The following ZSCAN5A variants were observed in gnomAD, a reference collection of about 807,000 sequenced individuals.
ZSCAN5A encodes zinc finger and SCAN domain containing 5A, also known as zinc finger and SCAN domain-containing protein 5A.
In ZSCAN5A, 12 loss-of-function variants were observed where a neutral mutation model predicts 23.7. The observed-to-expected ratio is 0.51, with a 90% CI of 0.32 to 0.82. The LOEUF is 0.82. ZSCAN5A is among the 40% of genes least tolerant of loss of function. The probability of loss-of-function intolerance (pLI) is 0.03; values close to 1 mark genes in which losing one functional copy is unlikely to be tolerated. For missense variants in ZSCAN5A, 597 were observed against 617.9 expected (o/e 0.97, Z 0.36); for synonymous variants, 257 against 239.9 (o/e 1.07, Z -0.66).
At chr19:56,241,966 T>C (rs1379103839) in intron 2 of ZSCAN5A, among the ~76,000 whole-genome samples, 2 of 152,164 alleles carry the variant, frequency 1.3e-5, no homozygotes, top group Non-Finnish European at 2.9e-5. Context: ...ACCCGATAGG[T>C]AGTTTTTCAA....
chr19:56,301,241 G>A (rs1010751170), intron 2 of ZSCAN5A, among the ~76,000 whole-genome samples: 1 of 152,176 alleles, frequency 6.6e-6, no homozygotes, highest in Non-Finnish European at 1.5e-5. Context: ...TCTCCTTATA[G>A]TTATTTCCTG....
intron 2 of ZSCAN5A, chr19:56,284,020 C>T (rs957600407): frequency 5.6e-6 from 1 of 178,986 alleles, no homozygotes; most frequent in Non-Finnish European, 1.1e-5. Flanking sequence ...CCTGACTGCT[C>T]ACCATGCATG....
intron 2 of ZSCAN5A, chr19:56,282,367 T>C (rs767138081): frequency 8.5e-5 from 34 of 400,596 alleles, no homozygotes; most frequent in African/African-American, 1.1e-4. Context: ...TCAGGACCTA[T>C]GGGGTGCAAT....
At position 56,221,665 on chromosome 19, in the gene ZSCAN5A, G is replaced by C. The variant is rs746592895; in HGVS notation, c.1401C>G (p.Pro467=). Residue 467 remains proline, a synonymous_variant, in exon 6 of 6, where the codon CCC becomes CCG. Transcript: ENST00000683990. ...CTCTTGGACACTTGGAACATTTGTA[G>C]GGTTTCTCTCCGGAGTGGATGCGCT... The part of the protein sequence containing the change: ...EHQRIHSGEK[P]YKCSKCPRAF... 2.1e-5 allele frequency: 34 copies of C among 1,614,090 alleles called. No individual in the cohort carries two copies. In the South Asian group the frequency reaches 3.0e-4, roughly 14 times the overall value.
intron 2 of ZSCAN5A, among the ~76,000 whole-genome samples, chr19:56,238,026 A>ACCT (rs2035106754): frequency 1.5e-3 from 2 of 1,362 alleles, no homozygotes; most frequent in African/African-American, 2.3e-3. Flanking sequence ...TCAAAGAAAC[A>ACCT]AAAAGCAAGC....
At position 56,223,688 on chromosome 19, in the gene ZSCAN5A, G is replaced by T; in HGVS notation, c.531C>A (p.Gly177=). ...GGATCTGCAGCTCTCGGTGGGCCTG[G>T]CCTTCCCCTGGACGCATCTGGTTCA... ...SSVNQMRPGE[G]QAHRELQILP... Residue 177 remains glycine (G), a synonymous_variant, in exon 4 of 6, where the codon GGC becomes GGA. Transcript: ENST00000683990. 1 of 1,613,006 alleles carries T rather than the reference G, an allele frequency of 6.2e-7. No homozygotes were observed.
chr19:56,280,613 T>C (rs370208027), intron 2 of ZSCAN5A: 3 of 152,188 alleles, frequency 2.0e-5, no homozygotes, highest in Non-Finnish European at 4.4e-5. Context: ...TTATAATGAA[T>C]AGAAATTTAT....
chr19:56,342,905 G>T, intron 2 of ZSCAN5A: 1 of 1,033,300 alleles, frequency 9.7e-7, no homozygotes, highest in Non-Finnish European at 1.5e-6. Flanking sequence ...CCCATCCTGA[G>T]GCACCTCAGA....
At chr19:56,234,064 T>C (rs2034682465) in intron 2 of ZSCAN5A, among the ~76,000 whole-genome samples, 1 of 152,092 alleles carries the variant, frequency 6.6e-6, no homozygotes, top group African/African-American at 2.4e-5. Flanking sequence ...AGATTGTGTG[T>C]CCGGAGGCTG....
In ZSCAN5A at chr19:56,286,183, G is replaced by A. The variant is rs146344513; in HGVS notation, c.-128+27100C>T. On this transcript the variant is annotated intron_variant, in intron 2 of 5. Coordinates refer to ENST00000683990, the MANE Select transcript of ZSCAN5A (RefSeq NM_001322064.3). ...ACTACAGGCGCCCACCACCATGCTC[G>A]GCTAATTTTTGTATTATTAGTAGAG... Among the ~76,000 whole-genome samples the A allele has an allele frequency of 5.3e-5, 8 of 151,692 alleles. No individual in the cohort carries two copies. In the East Asian group the frequency reaches 5.9e-4, roughly 11 times the overall value.
chr19:56,240,292 T>C (rs1196490946), intron 2 of ZSCAN5A, among the ~76,000 whole-genome samples: 2 of 152,148 alleles, frequency 1.3e-5, no homozygotes, highest in Non-Finnish European at 2.9e-5. Context: ...AAAACCTATG[T>C]TATTTGCACA....
intron 2 of ZSCAN5A, among the ~76,000 whole-genome samples, chr19:56,341,636 A>T (rs879921804): frequency 1.5e-5 from 2 of 137,242 alleles, no homozygotes; most frequent in African/African-American, 5.6e-5. Flanking sequence ...TTCATTAAAA[A>T]TTTTTTTAAC....
At chr19:56,324,731 GA>G (rs1005281263) in intron 2 of ZSCAN5A, among the ~76,000 whole-genome samples, 6 of 152,012 alleles carry the variant, frequency 3.9e-5, no homozygotes, top group African/African-American at 1.5e-4. Context: ...GCCTGTGGAG[GA>G]AAAGTTAAAT....
intron 2 of ZSCAN5A, among the ~76,000 whole-genome samples, chr19:56,336,316 C>G (rs1053245674): frequency 6.6e-6 from 1 of 152,090 alleles, no homozygotes; most frequent in Non-Finnish European, 1.5e-5. Flanking sequence ...CTTCTCTTCT[C>G]GCTTCATTTC....
At chr19:56,311,082 A>C (rs933957114) in intron 2 of ZSCAN5A, among the ~76,000 whole-genome samples, 1 of 152,196 alleles carries the variant, frequency 6.6e-6, no homozygotes, top group Non-Finnish European at 1.5e-5. Flanking sequence ...TTTTGATATA[A>C]GACCAGGGGG....
At chr19:56,243,627 A>G (rs1370858179) in intron 2 of ZSCAN5A, among the ~76,000 whole-genome samples, 5 of 152,200 alleles carry the variant, frequency 3.3e-5, no homozygotes, top group East Asian at 1.9e-4. Flanking sequence ...GGAGCTTCAC[A>G]TAAGTATCCT....
chr19:56,334,529 T>C (rs957730909), intron 2 of ZSCAN5A, among the ~76,000 whole-genome samples: 2 of 152,236 alleles, frequency 1.3e-5, no homozygotes, highest in Non-Finnish European at 2.9e-5. Context: ...TATTTTGATA[T>C]AAGCATGCAA....
intron 2 of ZSCAN5A, among the ~76,000 whole-genome samples, chr19:56,306,405 CAGATGGGAG>C: frequency 2.7e-5 from 1 of 37,642 alleles, no homozygotes; most frequent in Admixed American, 2.5e-4. Context: ...GTACTAAGGA[CAGATGGGAG>C]ACTTCTCTTC....
At chr19:56,298,933 C>A (rs2147232931) in intron 2 of ZSCAN5A, among the ~76,000 whole-genome samples, 1 of 152,230 alleles carries the variant, frequency 6.6e-6, no homozygotes, top group East Asian at 1.9e-4. Context: ...GATGGAAAAT[C>A]CTAGACTAAA....
Sources: gnomAD v4.1 joint callset for allele counts (sites outside exome capture counted in the v4.1 genomes callset) on GRCh38, gnomAD v4.1.1 for gene constraint, MANE v1.5 for transcripts, NCBI Gene and HGNC (gene_info 2026-07-23, HGNC 2026-07-21) for gene names.